TTC19: variants seen among roughly 807,000 people sequenced by gnomAD.
TTC19 encodes the protein tetratricopeptide repeat domain 19, also known as tetratricopeptide repeat protein 19, mitochondrial.
In TTC19, 38 loss-of-function variants were observed where a neutral mutation model predicts 49.5. The ratio of observed to expected loss-of-function variants is 0.77; its 90% CI spans 0.59 to 1.01. TTC19 has a LOEUF of 1.01. Among genes scored for constraint, TTC19 ranks in the 50% least tolerant of loss-of-function variants. TTC19 has a pLI of 0.00. For missense variants in TTC19, 475 were observed against 477.7 expected (o/e 0.99, Z 0.05); for synonymous variants, 204 against 185.2 (o/e 1.10, Z -0.83).
At chr17:16,032,427 G>C, downstream of TTC19, 1 of 1,613,972 alleles carries the variant, frequency 6.2e-7, no homozygotes, top group Non-Finnish European at 8.5e-7. Flanking sequence ...ATCGGTGTTG[G>C]TGGAGTACTG....
At chr17:16,022,972 T>C (rs1362868801) in intron 7 of TTC19, among the ~76,000 whole-genome samples, 1 of 152,088 alleles carries the variant, frequency 6.6e-6, no homozygotes, top group Non-Finnish European at 1.5e-5. Flanking sequence ...AAGTACTTGA[T>C]TTTTTTCTTG....
chr17:16,039,877 G>A (rs1047218175), intron 2 of TTC19: 9 of 479,252 alleles, frequency 1.9e-5, no homozygotes, highest in Non-Finnish European at 3.4e-5. Flanking sequence ...TGCAACCTCC[G>A]CCTCCCAGAT....
At chr17:16,006,387 G>A (rs184575972) in intron 6 of TTC19, 87 bp from the exon 7 acceptor site, 1 of 986,834 alleles carries the variant, frequency 1.0e-6, no homozygotes, top group Non-Finnish European at 1.6e-6. Context: ...TCCAGCCTGG[G>A]CAACAAGAGC....
chr17:16,001,559 T>C (rs1970734302), intron 2 of TTC19, among the ~76,000 whole-genome samples: 2 of 152,200 alleles, frequency 1.3e-5, no homozygotes, highest in Admixed American at 1.3e-4. Flanking sequence ...ATAGCTCTTA[T>C]CATTAGTTGT....
In TTC19 at chr17:16,006,571, A is replaced by G; in HGVS notation, c.676+3A>G. 6.3e-7 allele frequency: 1 copy of G among 1,587,254 alleles called. No individual in the cohort carries two copies. The highest frequency in any genetic ancestry group is 8.7e-7 in the Non-Finnish European group (1 of 1,155,472). On this transcript the variant is annotated splice_donor_region_variant and intron_variant, in intron 7 of 9. Transcript: ENST00000261647. ...ATTAGCAGAAGACATTATGTCAGGTAGGAAACCCATTATCTGGGCATTGCC... is the reference window on the plus strand; with the variant it reads ...ATTAGCAGAAGACATTATGTCAGGTGGGAAACCCATTATCTGGGCATTGCC...
chr17:16,020,267 A>AC (rs1387045878), intron 7 of TTC19, among the ~76,000 whole-genome samples: 1 of 152,136 alleles, frequency 6.6e-6, no homozygotes, highest in Non-Finnish European at 1.5e-5. Context: ...TTGTGGCTTC[A>AC]CTATGTGTTT....
rs1419879945 is a variant in TTC19, at chr17:16,028,808, T to C, written c.*1286T>C. Reference sequence around the variant, plus strand: ...AATATTGTATGTATCCCAGTAATCTTTGCATTTCTCAAAAAAAAAAAAAAA... The same window carrying C: ...AATATTGTATGTATCCCAGTAATCTCTGCATTTCTCAAAAAAAAAAAAAAA... On this transcript the variant is annotated 3_prime_UTR_variant, in exon 10 of 10. Transcript: ENST00000261647. 3.6e-6 allele frequency: 1 copy of C among 278,448 alleles called. No individual in the cohort carries two copies. Among genetic ancestry groups the C allele is most frequent in the Non-Finnish European group, 6.7e-6 (1 of 149,008 alleles). The allele number at this position is 278,448 out of a possible 1,614,324, so 17.2% of individuals were successfully genotyped here. A position where few individuals can be genotyped will look rare whatever the true frequency, so the allele number is the denominator to read the frequency against.
downstream of TTC19, chr17:16,032,412 A>G (rs138200388): frequency 2.5e-6 from 4 of 1,614,020 alleles, no homozygotes; most frequent in African/African-American, 2.7e-5. Flanking sequence ...GAGGGAGCAC[A>G]TGCAATCGGT....
chr17:16,018,022 G>T, intron 7 of TTC19, among the ~76,000 whole-genome samples: 1 of 152,236 alleles, frequency 6.6e-6, no homozygotes, highest in East Asian at 1.9e-4. Flanking sequence ...TCTCTAAAAT[G>T]AGATGAGTAC....
Position 16,024,934 on chromosome 17 carries a change from T to C in TTC19, c.677-83T>C, listed in dbSNP as rs546824075. On this transcript the variant is annotated intron_variant, in intron 7 of 9. Coordinates refer to ENST00000261647, the MANE Select transcript of TTC19 (RefSeq NM_017775.4). ...CACCTACATTGTTCCCTAAGTGACA[T>C]GTGGGTCCCATTCTGCTGACATATT... The C allele has an allele frequency of 1.8e-5, 22 of 1,254,902 alleles. No individual in the cohort carries two copies. The African/African-American group carries it at 2.3e-4, about 13-fold the overall frequency. The allele number at this position is 1,254,902 out of a possible 1,614,324, so 77.7% of individuals were successfully genotyped here.
At chr17:16,038,638 A>AT (rs1734418659) in intron 2 of TTC19, among the ~76,000 whole-genome samples, 1 of 151,880 alleles carries the variant, frequency 6.6e-6, no homozygotes, top group Non-Finnish European at 1.5e-5. Flanking sequence ...GGTTTTCATC[A>AT]TGTTGCCCAG....
At chr17:16,031,912 A>G (rs961070970), downstream of TTC19, 7 of 242,570 alleles carry the variant, frequency 2.9e-5, no homozygotes, top group Admixed American at 1.1e-4. Context: ...TGATTTGAAC[A>G]TAAGTACACC....
chr17:16,036,811 TA>T (rs1275916283), intron 2 of TTC19, among the ~76,000 whole-genome samples: 16 of 152,354 alleles, frequency 1.1e-4, no homozygotes, highest in Non-Finnish European at 2.1e-4. Context: ...TCCAGACCAC[TA>T]AAATCTTCTG....
intron 2 of TTC19, chr17:16,039,567 C>G: frequency 6.2e-7 from 1 of 1,614,172 alleles, no homozygotes; most frequent in East Asian, 2.2e-5. Flanking sequence ...GTCATCAAAG[C>G]TTCCCATGAG....
intron 2 of TTC19, among the ~76,000 whole-genome samples, chr17:16,036,154 G>A (rs2056318197): frequency 6.6e-6 from 1 of 152,138 alleles, no homozygotes; most frequent in Admixed American, 6.5e-5. Context: ...CTTCAGAATG[G>A]ATGTTGTGTT....
chr17:16,031,757 T>G (rs1190297994), downstream of TTC19: 3 of 230,268 alleles, frequency 1.3e-5, no homozygotes, highest in Non-Finnish European at 1.7e-5. Flanking sequence ...AAGCTGAATT[T>G]AGAGGAAACA....
chr17:16,022,314 T>C (rs1380650226), intron 7 of TTC19, among the ~76,000 whole-genome samples: 1 of 152,220 alleles, frequency 6.6e-6, no homozygotes, highest in African/African-American at 2.4e-5. Flanking sequence ...ATGTGTGTTA[T>C]AGTTTATCTA....
At chr17:16,016,219 GTATT>G in intron 7 of TTC19, among the ~76,000 whole-genome samples, 1 of 152,114 alleles carries the variant, frequency 6.6e-6, no homozygotes, top group East Asian at 1.9e-4. Context: ...TGTATCTCAA[GTATT>G]TTCCAATTTT....
At chr17:16,024,888 T>C in intron 7 of TTC19, 129 bp from the exon 8 acceptor site, 1 of 841,208 alleles carries the variant, frequency 1.2e-6, no homozygotes, top group Non-Finnish European at 2.0e-6. Flanking sequence ...CTGGAATAGG[T>C]CATTTAACTG....
Sources: allele counts gnomAD v4.1 joint callset (sites outside exome capture counted in the v4.1 genomes callset), GRCh38; gene constraint gnomAD v4.1.1; transcripts MANE v1.5; gene names NCBI Gene and HGNC (gene_info 2026-07-23, HGNC 2026-07-21).